MMRN1: variants seen among roughly 807,000 people sequenced by gnomAD.
MMRN1 encodes the protein multimerin 1.
MMRN1 carries 94 observed loss-of-function variants against 100.7 expected under a neutral mutation model. That is an observed-to-expected ratio of 0.93 (90% CI 0.79 to 1.11). The LOEUF (loss-of-function observed/expected upper bound fraction) is 1.11, where lower values mean the gene tolerates loss of function less well. Among genes scored for constraint, MMRN1 ranks in the 50% least tolerant of loss-of-function variants. The probability of loss-of-function intolerance (pLI) is 0.00; values close to 1 mark genes in which losing one functional copy is unlikely to be tolerated. For missense variants in MMRN1, 1,606 were observed against 1,439.1 expected (o/e 1.12, Z -1.88); for synonymous variants, 575 against 505.0 (o/e 1.14, Z -1.86).
rs1252815891 is a variant in MMRN1 at position 89,954,058 on chromosome 4, G to A, written c.*640G>A. The A allele has an allele frequency of 6.6e-6, 1 of 152,062 alleles. No individual in the cohort carries two copies. Among genetic ancestry groups the A allele is most frequent in the Non-Finnish European group, 1.5e-5 (1 of 68,046 alleles). The allele number at this position is 152,062 out of a possible 1,614,324, so 9.4% of individuals were successfully genotyped here. On this transcript the variant is annotated 3_prime_UTR_variant, in exon 8 of 8. Coordinates refer to ENST00000264790, the MANE Select transcript of MMRN1 (RefSeq NM_007351.3). Reference sequence around the variant, plus strand: ...GTTGGACATGTACACTCAAGTCTAAGAATATATGAGTGGATCATTTACCGC... The same window carrying A: ...GTTGGACATGTACACTCAAGTCTAAAAATATATGAGTGGATCATTTACCGC...
chr4:89,940,395 T>G (rs1420501341), intron 6 of MMRN1, among the ~76,000 whole-genome samples: 1 of 152,184 alleles, frequency 6.6e-6, no homozygotes, highest in Non-Finnish European at 1.5e-5. Flanking sequence ...TTACTTTCTA[T>G]AAAACATTTG....
intron 6 of MMRN1, among the ~76,000 whole-genome samples, chr4:89,946,619 C>T (rs978269593): frequency 1.2e-4 from 18 of 151,862 alleles, no homozygotes; most frequent in Non-Finnish European, 2.5e-4. Context: ...CAACACAGCC[C>T]CTCTTCTCAT....
rs765652778 is a variant in MMRN1, at chr4:89,935,422, T to C, written c.1742T>C (p.Leu581Ser). 23 of 1,613,374 alleles carry C rather than the reference T, an allele frequency of 1.4e-5. No homozygotes were observed. Among genetic ancestry groups the C allele is most frequent in the Non-Finnish European group, 1.8e-5 (21 of 1,179,756 alleles). Residue 581 changes from leucine to serine, a missense_variant, in exon 6 of 8, where the codon TTG (leucine) becomes TCG (serine). By Grantham distance (145) the Leu-to-Ser change is moderately radical. Coordinates refer to ENST00000264790, the MANE Select transcript of MMRN1 (RefSeq NM_007351.3). ...AAGATTAACAATCTCACCGTCTCTTTGGAGATGGAGAAAGAGTCTCTCAGA... is the reference window on the plus strand; with the variant it reads ...AAGATTAACAATCTCACCGTCTCTTCGGAGATGGAGAAAGAGTCTCTCAGA... ...ESKINNLTVS[L>S]EMEKESLRGE...
At chr4:89,934,250 TTTA>T in intron 5 of MMRN1, among the ~76,000 whole-genome samples, 1 of 152,258 alleles carries the variant, frequency 6.6e-6, no homozygotes, top group East Asian at 1.9e-4. Flanking sequence ...TTATTATTAT[TTTA>T]TTGTTATTAT....
At chr4:89,936,948 T>A in intron 6 of MMRN1, 150 bp downstream of exon 6, 1 of 663,392 alleles carries the variant, frequency 1.5e-6, no homozygotes, top group Non-Finnish European at 2.4e-6. Flanking sequence ...TGACATTATT[T>A]AAATCTGAAT....
chr4:89,897,126 A>G (rs1721230385), intron 1 of MMRN1, among the ~76,000 whole-genome samples: 1 of 152,208 alleles, frequency 6.6e-6, no homozygotes, highest in Non-Finnish European at 1.5e-5. Flanking sequence ...TAGAGGCTGT[A>G]ATTAAATTTT....
chr4:89,953,184 C>G lies in MMRN1; in HGVS notation c.3453C>G (p.Ile1151Met). The G allele has an allele frequency of 5.0e-6, 8 of 1,613,744 alleles. No homozygotes were observed. Among genetic ancestry groups the G allele is most frequent in the Non-Finnish European group, 6.8e-6 (8 of 1,179,838 alleles). Reference sequence around the variant, plus strand: ...GAGTATATGTTTTCAAGTACACCATCGAGTCATTTAGTGCTCATATTTCTG... The same window carrying G: ...GAGTATATGTTTTCAAGTACACCATGGAGTCATTTAGTGCTCATATTTCTG... ...YLGVYVFKYT[I>M]ESFSAHISGF... is the part of the protein sequence containing the mutation. The change falls in exon 8 of 8, where the codon ATC becomes ATG. Residue 1151 changes from isoleucine to methionine, a missense_variant. By Grantham distance (10) the Ile-to-Met change is conservative. Coordinates refer to ENST00000264790, the MANE Select transcript of MMRN1 (RefSeq NM_007351.3).
intron 1 of MMRN1, among the ~76,000 whole-genome samples, chr4:89,902,334 AT>A (rs1265932774): frequency 1.2e-4 from 18 of 150,872 alleles, no homozygotes; most frequent in East Asian, 5.9e-4. Context: ...AATAAAAAAA[AT>A]AAATAAATAA....
chr4:89,950,327 A>T (rs1723120783), intron 6 of MMRN1, among the ~76,000 whole-genome samples: 1 of 152,186 alleles, frequency 6.6e-6, no homozygotes, highest in Non-Finnish European at 1.5e-5. Context: ...GTGCACATGG[A>T]CAAGTATGTC....
chr4:89,880,550 G>A (rs746112985), intron 1 of MMRN1, among the ~76,000 whole-genome samples: 2 of 152,096 alleles, frequency 1.3e-5, no homozygotes, highest in Admixed American at 6.6e-5. Flanking sequence ...AGGCTCTGTG[G>A]TGCTTAGAGT....
intron 5 of MMRN1, among the ~76,000 whole-genome samples, chr4:89,930,726 C>T (rs1416703011): frequency 6.6e-6 from 1 of 151,932 alleles, no homozygotes; most frequent in Non-Finnish European, 1.5e-5. Context: ...TAGTACCTTA[C>T]ACTCAATGAT....
At chr4:89,939,988 TGC>T (rs1236397287) in intron 6 of MMRN1, among the ~76,000 whole-genome samples, 1 of 152,198 alleles carries the variant, frequency 6.6e-6, no homozygotes, top group Non-Finnish European at 1.5e-5. Flanking sequence ...TTCTCATCCC[TGC>T]CACTTCCTTT....
At chr4:89,946,861 T>C (rs902966870) in intron 6 of MMRN1, among the ~76,000 whole-genome samples, 2 of 152,084 alleles carry the variant, frequency 1.3e-5, no homozygotes, top group Admixed American at 6.6e-5. Flanking sequence ...ACTTGCACAG[T>C]GGTAGAATGT....
chr4:89,921,181 C>A (rs561970442), intron 3 of MMRN1, among the ~76,000 whole-genome samples: 1 of 151,958 alleles, frequency 6.6e-6, no homozygotes, highest in South Asian at 2.1e-4. Context: ...TATGATCTAG[C>A]CAAAAAGGTA....
At chr4:89,891,183 T>TA (rs1721046361), upstream of MMRN1, among the ~76,000 whole-genome samples, 1 of 152,082 alleles carries the variant, frequency 6.6e-6, no homozygotes, top group Non-Finnish European at 1.5e-5. Flanking sequence ...AGGAGTAACT[T>TA]ACAGGAGGCA....
At chr4:89,898,449 T>C (rs1721278891) in intron 1 of MMRN1, among the ~76,000 whole-genome samples, 1 of 151,962 alleles carries the variant, frequency 6.6e-6, no homozygotes, top group African/African-American at 2.4e-5. Flanking sequence ...TACACTCCCT[T>C]GGCAGGTACA....
chr4:89,895,672 C>A, intron 1 of MMRN1, 78 bp downstream of exon 1: 1 of 1,455,286 alleles, frequency 6.9e-7, no homozygotes, highest in Admixed American at 2.7e-5. Flanking sequence ...TACCTCACTC[C>A]CAGAAAATTA....
rs1722627598 is a variant in MMRN1, at chr4:89,936,177, C to T, written c.2497C>T (p.Gln833Ter). The T allele has an allele frequency of 6.2e-7, 1 of 1,610,678 alleles. No individual in the cohort carries two copies. The highest frequency in any genetic ancestry group is 1.1e-5 in the South Asian group (1 of 90,214). Residue 833 changes from glutamine (Q) to a stop codon, truncating the protein, a stop_gained, in exon 6 of 8, where the codon CAA (glutamine) becomes TAA (stop). Transcript: ENST00000264790. LOFTEE classifies it high-confidence loss of function. ...TCAAATGTTCAATGAAACCACTTCCCAAGTGAGAAAATACCAGCAAAATAT... is the reference window on the plus strand; with the variant it reads ...TCAAATGTTCAATGAAACCACTTCCTAAGTGAGAAAATACCAGCAAAATAT... Reference protein sequence around the residue: ...MYQMFNETTSQVRKYQQNMSH... With the variant: ...MYQMFNETTS
intron 4 of MMRN1, among the ~76,000 whole-genome samples, chr4:89,927,260 A>G (rs1193095245): frequency 2.0e-5 from 3 of 152,070 alleles, no homozygotes; most frequent in South Asian, 4.1e-4. Context: ...TTATTCTTCC[A>G]ATTCATGAAC....
Sources: allele counts gnomAD v4.1 joint callset (sites outside exome capture counted in the v4.1 genomes callset), GRCh38; gene constraint gnomAD v4.1.1; transcripts MANE v1.5; gene names NCBI Gene and HGNC (gene_info 2026-07-23, HGNC 2026-07-21).